IGF2: variants seen among roughly 807,000 people sequenced by gnomAD.
IGF2 encodes insulin-like growth factor 2.
A neutral mutation model predicts 12.0 loss-of-function variants in IGF2; 2 were observed. The ratio of observed to expected loss-of-function variants is 0.17; its 90% confidence interval spans 0.07 to 0.52. The LOEUF (loss-of-function observed/expected upper bound fraction) is 0.52. Among genes scored for constraint, IGF2 ranks in the 20% least tolerant of loss-of-function variants. The pLI, the probability that IGF2 is intolerant of heterozygous loss-of-function variation, is 0.95. For missense variants in IGF2, 211 were observed against 268.0 expected (o/e 0.79, Z 1.48); for synonymous variants, 105 against 110.1 (o/e 0.95, Z 0.29).
upstream of IGF2, among the ~76,000 whole-genome samples, chr11:2,144,706 G>T (rs993900311): frequency 6.6e-6 from 1 of 151,772 alleles, no homozygotes; most frequent in African/African-American, 2.4e-5. Context: ...CAGGAACAAG[G>T]TCACCCCTTG....
At chr11:2,141,495 C>T (rs534789662), upstream of IGF2, among the ~76,000 whole-genome samples, 57 of 152,136 alleles carry the variant, frequency 3.7e-4, no homozygotes, top group African/African-American at 1.4e-3. Context: ...GCTTGGGGGA[C>T]CAATTTGTGA....
the IGF2 span, chr11:2,148,810 G>A: frequency 1.1e-3 from 413 of 361,728 alleles, 8 homozygotes; most frequent in East Asian, 0.019. This position sits in a 1 kb window ranked among gnomAD's most constrained non-coding sequence, Gnocchi z 4.3. Context: ...TGGGAAGAGC[G>A]GCCTAGCCCT....
rs570199935 is a variant in IGF2, at chr11:2,132,804, C to G, written c.*183G>C. On this transcript the variant is annotated 3_prime_UTR_variant, in exon 4 of 4. Transcript: ENST00000416167. ...AAGATGCTGCTGTGCTTCCTCAGCC[C>G]GATGGAGGGGGCCGAGGAGAGTAGC... 2 of 550,826 alleles carry G rather than the reference C, an allele frequency of 3.6e-6. No homozygotes were observed. Among genetic ancestry groups the G allele is most frequent in the South Asian group, 5.9e-5 (2 of 33,634 alleles). 34.1% of individuals were successfully genotyped at this position (550,826 alleles called of 1,614,324 possible). A position where few individuals can be genotyped will look rare whatever the true frequency, so the allele number is the denominator to read the frequency against.
chr11:2,140,604 G>A, upstream of IGF2: 2 of 508,948 alleles, frequency 3.9e-6, no homozygotes, highest in Non-Finnish European at 7.2e-6. Context: ...CCCCACTTTG[G>A]GACCCTCCAG....
Position 2,133,705 on chromosome 11 carries a change from G to T in IGF2, c.158-40C>A, listed in dbSNP as rs370432927. 3.4e-5 allele frequency: 55 copies of T among 1,607,060 alleles called. 1 individual carries two copies. Among genetic ancestry groups the T allele is most frequent in the Non-Finnish European group, 4.7e-5 (55 of 1,177,562 alleles). On this transcript the variant is annotated intron_variant, in intron 2 of 3. Transcript: ENST00000416167. The surrounding 1 kb of genome is among the most constrained non-coding windows in gnomAD (Gnocchi z 8.9). ...GCACAGAGAGAGCCGTGTTAGCACC[G>T]CACTGACCCCAGCCCCCGGAGGCTG...
rs778892082 is a variant in IGF2 at position 2,133,778 on chromosome 11, G to A, written c.158-113C>T. ...CCCTCAGGCCAGGCCCTGGAAGGAC[G>A]CAGCCACCCTGCGGGTCAGGGGAGG... On this transcript the variant is annotated intron_variant, in intron 2 of 3. Coordinates refer to ENST00000416167, the MANE Select transcript of IGF2 (RefSeq NM_000612.6). This position sits in a 1 kb window ranked among gnomAD's most constrained non-coding sequence, Gnocchi z 8.9. 1.6e-5 allele frequency: 21 copies of A among 1,306,552 alleles called. No individual in the cohort carries two copies. In the East Asian group the frequency reaches 2.1e-4, roughly 13 times the overall value. 80.9% of individuals were successfully genotyped at this position (1,306,552 alleles called of 1,614,324 possible). A position where few individuals can be genotyped will look rare whatever the true frequency, so the allele number is the denominator to read the frequency against.
upstream of IGF2, among the ~76,000 whole-genome samples, chr11:2,142,455 G>A (rs1258323616): frequency 6.6e-6 from 1 of 152,110 alleles, no homozygotes; most frequent in Non-Finnish European, 1.5e-5. The surrounding 1 kb of genome is among the most constrained non-coding windows in gnomAD (Gnocchi z 5.7). Context: ...AGTGTGCAGT[G>A]TGCTTGAAGG....
In IGF2 at chr11:2,132,869, A is replaced by G. The variant is rs935689640; in HGVS notation, c.*118T>C. On this transcript the variant is annotated 3_prime_UTR_variant, in exon 4 of 4. Transcript: ENST00000416167. ...CGGGGCACGGGGACTGGGTCAGGAG[A>G]AGCCCCAGGGGGACGTGGAACCGAG... The G allele has an allele frequency of 1.4e-6, 1 of 718,674 alleles. No individual in the cohort carries two copies. 44.5% of individuals were successfully genotyped at this position (718,674 alleles called of 1,614,324 possible). A position where few individuals can be genotyped will look rare whatever the true frequency, so the allele number is the denominator to read the frequency against.
At chr11:2,141,763 A>G (rs1859614539), upstream of IGF2, among the ~76,000 whole-genome samples, 1 of 152,208 alleles carries the variant, frequency 6.6e-6, no homozygotes. Flanking sequence ...CCCTTCAGAG[A>G]TGGAAGAAAG....
upstream of IGF2, among the ~76,000 whole-genome samples, chr11:2,144,856 G>C (rs1859820790): frequency 6.6e-6 from 1 of 152,086 alleles, no homozygotes; most frequent in Admixed American, 6.5e-5. Context: ...GGCATTGCTT[G>C]TCCCCATTGT....
intron 1 of IGF2, chr11:2,137,387 G>T: frequency 4.6e-6 from 1 of 217,908 alleles, no homozygotes; most frequent in Non-Finnish European, 5.5e-6. Flanking sequence ...CCACTCCCCC[G>T]CGCCTTTGCT....
At chr11:2,149,278 T>C in the IGF2 span, 2 of 1,613,502 alleles carry the variant, frequency 1.2e-6, no homozygotes. Flanking sequence ...AAGCAGGGGG[T>C]GCCCTGGCTG....
chr11:2,146,819 C>T, the IGF2 span: 1 of 200,200 alleles, frequency 5.0e-6, no homozygotes, highest in Non-Finnish European at 1.0e-5. Context: ...CTGGAGCCTC[C>T]CCTGTCACCC....
upstream of IGF2, among the ~76,000 whole-genome samples, chr11:2,142,407 G>C (rs1016104439): frequency 1.3e-5 from 2 of 152,146 alleles, no homozygotes; most frequent in African/African-American, 2.4e-5. This position sits in a 1 kb window ranked among gnomAD's most constrained non-coding sequence, Gnocchi z 5.7. Context: ...GAATTCCTAG[G>C]TCTTAGGACT....
At position 2,131,813 on chromosome 11, in the gene IGF2, TG is replaced by T. The variant is rs1858600514; in HGVS notation, c.*1173del. 5.2e-6 allele frequency: 1 copy of T among 192,238 alleles called. No homozygotes were observed. The highest frequency in any genetic ancestry group is 1.0e-5 in the Non-Finnish European group (1 of 96,356). The allele number at this position is 192,238 out of a possible 1,614,324, so 11.9% of individuals were successfully genotyped here. A position where few individuals can be genotyped will look rare whatever the true frequency, so the allele number is the denominator to read the frequency against. ...TGCTAGTGTGTGTGCTGTGTGTGCA[TG>T]TGTGTGCGTGTGCTGTGCGTTTGTG... is the stretch of plus-strand genomic sequence containing the variant. On this transcript the variant is annotated 3_prime_UTR_variant, in exon 4 of 4. Transcript: ENST00000416167.
chr11:2,130,636 A>T lies in IGF2; in HGVS notation c.*2351T>A, dbSNP rs1858480857. 1 of 219,560 alleles carries T rather than the reference A, an allele frequency of 4.6e-6. No individual in the cohort carries two copies. The highest frequency in any genetic ancestry group is 5.8e-5 in the Admixed American group (1 of 17,252). The allele number at this position is 219,560 out of a possible 1,614,324, so 13.6% of individuals were successfully genotyped here. A position where few individuals can be genotyped will look rare whatever the true frequency, so the allele number is the denominator to read the frequency against. ...ATGCCCCAAGAAACAAAGAGGGGGAATAGATCAATTGACATGAAATTTGGG... is the reference window on the plus strand; with the variant it reads ...ATGCCCCAAGAAACAAAGAGGGGGATTAGATCAATTGACATGAAATTTGGG... On this transcript the variant is annotated 3_prime_UTR_variant, in exon 4 of 4. Transcript: ENST00000416167.
rs755066389 is a variant in IGF2, at chr11:2,133,564, G to T, written c.259C>A (p.Pro87Thr). ...GACACGTCCCTCTCGGACTTGGCGG[G>T]GGTAGCACAGTACGTCTCCAGGAGG... ...LALLETYCAT[P>T]AKSERDVSTP... Residue 87 changes from proline to threonine, a missense_variant, in exon 3 of 4, where the codon CCC (proline) becomes ACC (threonine). Pro to Thr is a conservative substitution (Grantham distance 38). This residue lies in a region of IGF2 where 141 missense variants were observed against 153.1 expected (regional missense o/e 0.92). Coordinates refer to ENST00000416167, the MANE Select transcript of IGF2 (RefSeq NM_000612.6). The surrounding 1 kb of genome is among the most constrained non-coding windows in gnomAD (Gnocchi z 8.9). The T allele has an allele frequency of 2.5e-6, 4 of 1,613,016 alleles. No homozygotes were observed. Among genetic ancestry groups the T allele is most frequent in the Non-Finnish European group, 3.4e-6 (4 of 1,180,010 alleles).
rs61745040 is a variant in IGF2, at chr11:2,129,666, G to A, written c.*3321C>T. ...GTTCCGAATGGCCCACTCACAGGGCGCTTGCCGAGGGACCCTCTGCGACTG... is the reference window on the plus strand; with the variant it reads ...GTTCCGAATGGCCCACTCACAGGGCACTTGCCGAGGGACCCTCTGCGACTG... On this transcript the variant is annotated 3_prime_UTR_variant, in exon 4 of 4. Coordinates refer to ENST00000416167, the MANE Select transcript of IGF2 (RefSeq NM_000612.6). This position sits in a 1 kb window ranked among gnomAD's most constrained non-coding sequence, Gnocchi z 8.1. 1,027 of 231,428 alleles carry A rather than the reference G, an allele frequency of 4.4e-3. 11 individuals are homozygous for A. The highest frequency in any genetic ancestry group is 0.02 in the African/African-American group (919 of 45,334). The allele number at this position is 231,428 out of a possible 1,614,324, so 14.3% of individuals were successfully genotyped here. A position where few individuals can be genotyped will look rare whatever the true frequency, so the allele number is the denominator to read the frequency against.
rs1482767835 is a variant in IGF2, at chr11:2,138,391, G to GC, written c.-170_-169insG. 1 of 536,972 alleles carries GC rather than the reference G, an allele frequency of 1.9e-6. No individual in the cohort carries two copies. 33.3% of individuals were successfully genotyped at this position (536,972 alleles called of 1,614,324 possible). ...GAGCGGGGGGATGGCTTTTTTTTGG[G>GC]GGGGGGGGGAGAATTCGTCTGATTG... On this transcript the variant is annotated 5_prime_UTR_variant, in exon 1 of 4. Coordinates refer to ENST00000416167, the MANE Select transcript of IGF2 (RefSeq NM_000612.6).
Sources: gnomAD v4.1 joint callset for allele counts (sites outside exome capture counted in the v4.1 genomes callset) on GRCh38, gnomAD v4.1.1 for gene constraint, gnomAD v4.1.1 regional missense constraint, Gnocchi (gnomAD v3.1) non-coding constraint, MANE v1.5 for transcripts, NCBI Gene and HGNC (gene_info 2026-07-23, HGNC 2026-07-21) for gene names.